APBA1: variants seen among roughly 807,000 people sequenced by gnomAD.
APBA1 encodes amyloid-beta A4 precursor protein-binding family A member 1.
Under a neutral mutation model 86.6 loss-of-function variants are expected in APBA1, and 55 were observed. The observed-to-expected ratio is 0.64, with a 90% CI of 0.51 to 0.80. The LOEUF is 0.80. Ranked by LOEUF, APBA1 falls within the 30% of genes least tolerant of loss-of-function variation. APBA1 has a pLI of 0.00. For synonymous variants in APBA1, 511 were observed against 493.9 expected (o/e 1.03, Z -0.46); for missense variants, 1,090 against 1,183.0 (o/e 0.92, Z 1.15).
intron 1 of APBA1, among the ~76,000 whole-genome samples, chr9:69,622,557 T>C (rs894742788): frequency 6.8e-6 from 1 of 146,606 alleles, no homozygotes; most frequent in Admixed American, 7.1e-5. Context: ...TCCAAGTGGC[T>C]TTTTAATAGA....
intron 1 of APBA1, among the ~76,000 whole-genome samples, chr9:69,558,442 C>G (rs575663158): frequency 4.0e-5 from 6 of 151,784 alleles, no homozygotes; most frequent in African/African-American, 1.4e-4. Flanking sequence ...GGTTCAATAA[C>G]TTCTTATTCT....
intron 1 of APBA1, among the ~76,000 whole-genome samples, chr9:69,631,954 G>A (rs1203626529): frequency 6.6e-6 from 1 of 152,064 alleles, no homozygotes; most frequent in Non-Finnish European, 1.5e-5. Context: ...TGTAAATGAT[G>A]AGTTAACGGG....
chr9:69,584,287 G>A (rs1364620554), intron 1 of APBA1, among the ~76,000 whole-genome samples: 1 of 152,142 alleles, frequency 6.6e-6, no homozygotes, highest in Non-Finnish European at 1.5e-5. Flanking sequence ...AGTTCCTAGA[G>A]GGTGGTAGTG....
At chr9:69,521,153 A>C (rs1249309339) in intron 1 of APBA1, among the ~76,000 whole-genome samples, 1 of 152,186 alleles carries the variant, frequency 6.6e-6, no homozygotes, top group Non-Finnish European at 1.5e-5. Flanking sequence ...TGATTGTCCC[A>C]GGTCACACAT....
intron 1 of APBA1, among the ~76,000 whole-genome samples, chr9:69,555,544 C>T (rs772527015): frequency 1.3e-5 from 2 of 152,070 alleles, no homozygotes; most frequent in Non-Finnish European, 2.9e-5. Flanking sequence ...GAAAAGGGTG[C>T]AGAGAACCAG....
chr9:69,534,866 T>C (rs943986836), intron 1 of APBA1, among the ~76,000 whole-genome samples: 1 of 152,188 alleles, frequency 6.6e-6, no homozygotes, highest in Admixed American at 6.5e-5. Context: ...GATGAGGATA[T>C]AGCTCACTTA....
chr9:69,463,630 AC>A (rs1835228275), intron 5 of APBA1: 1 of 152,174 alleles, frequency 6.6e-6, no homozygotes, highest in Admixed American at 6.5e-5. Flanking sequence ...GAGATAAAGC[AC>A]CACGAATAAC....
chr9:69,633,278 G>A (rs538064560), intron 1 of APBA1, among the ~76,000 whole-genome samples: 125 of 152,048 alleles, frequency 8.2e-4, no homozygotes, highest in Admixed American at 2.9e-3. Context: ...TTAAAGAGTC[G>A]CTTCATTAAA....
intron 1 of APBA1, among the ~76,000 whole-genome samples, chr9:69,577,491 T>C (rs1055120915): frequency 1.3e-5 from 2 of 152,120 alleles, no homozygotes; most frequent in Non-Finnish European, 2.9e-5. Context: ...AAGACCACCA[T>C]TGAATAGATG....
chr9:69,659,363 A>G, intron 1 of APBA1, among the ~76,000 whole-genome samples: 1 of 152,234 alleles, frequency 6.6e-6, no homozygotes, highest in Admixed American at 6.5e-5. Context: ...CACTGTACAG[A>G]TATCATAATA....
intron 2 of APBA1, among the ~76,000 whole-genome samples, chr9:69,482,116 CA>C (rs1192381111): frequency 2.6e-5 from 4 of 151,782 alleles, no homozygotes; most frequent in African/African-American, 9.7e-5. Flanking sequence ...CCAAAATGGA[CA>C]AATGGGATCT....
intron 1 of APBA1, among the ~76,000 whole-genome samples, chr9:69,629,461 C>T (rs1048615402): frequency 6.6e-6 from 1 of 152,120 alleles, no homozygotes; most frequent in African/African-American, 2.4e-5. Flanking sequence ...TAAAAACAGG[C>T]ATAATATCTA....
At chr9:69,435,003 TTC>T (rs1465394851) in intron 11 of APBA1, among the ~76,000 whole-genome samples, 1 of 140,264 alleles carries the variant, frequency 7.1e-6, no homozygotes, top group Non-Finnish European at 1.5e-5. Flanking sequence ...TGTCCATGTG[TTC>T]TCATTGTTCA....
rs546177646 is a variant in APBA1 at position 69,511,895 on chromosome 9, G to A, written c.1200+4116C>T. On this transcript the variant is annotated intron_variant, in intron 2 of 12. Coordinates refer to ENST00000265381, the MANE Select transcript of APBA1 (RefSeq NM_001163.4). ...CAATGAGATCACATGGACACAGGAA[G>A]GGGAATATCACACTCTGGGGACTGT... is the stretch of plus-strand genomic sequence containing the variant. 2.3e-3 allele frequency among the ~76,000 whole-genome samples: 353 copies of A among 151,488 alleles called. 1 individual carries two copies. The highest frequency in any genetic ancestry group is 8.0e-3 in the African/African-American group (330 of 41,224).
rs561452183 is a variant in APBA1 at position 69,467,106 on chromosome 9, G to A, written c.1482+717C>T. On this transcript the variant is annotated intron_variant, in intron 5 of 12. Coordinates refer to ENST00000265381, the MANE Select transcript of APBA1 (RefSeq NM_001163.4). ...CCTGGTTTGCCCATGATTCTAGGTA[G>A]TTTTGGTATCGTGGTGGAGATTCTA... 3.3e-5 allele frequency among the ~76,000 whole-genome samples: 5 copies of A among 152,336 alleles called. No homozygotes were observed. In the East Asian group the frequency reaches 9.7e-4, roughly 29 times the overall value.
At chr9:69,551,414 G>A (rs780644817) in intron 1 of APBA1, among the ~76,000 whole-genome samples, 18 of 152,058 alleles carry the variant, frequency 1.2e-4, no homozygotes, top group African/African-American at 2.9e-4. Context: ...TTAGCTGGGC[G>A]TGGTGGCACA....
At chr9:69,444,667 T>A (rs1027147542) in intron 10 of APBA1, among the ~76,000 whole-genome samples, 2 of 152,210 alleles carry the variant, frequency 1.3e-5, no homozygotes, top group African/African-American at 4.8e-5. Flanking sequence ...TTCCTAAAAT[T>A]TAAAGTGGGC....
At chr9:69,490,916 C>T (rs1835698303) in intron 2 of APBA1, among the ~76,000 whole-genome samples, 1 of 151,758 alleles carries the variant, frequency 6.6e-6, no homozygotes, top group African/African-American at 2.4e-5. Context: ...TACCATCTCA[C>T]ACCAGTTAGA....
chr9:69,615,761 C>A (rs933413288), intron 1 of APBA1, among the ~76,000 whole-genome samples: 2 of 152,200 alleles, frequency 1.3e-5, no homozygotes, highest in Non-Finnish European at 2.9e-5. Context: ...TAGAATCCTC[C>A]AATCTAACTC....
Sources: allele counts gnomAD v4.1 joint callset (sites outside exome capture counted in the v4.1 genomes callset), GRCh38; gene constraint gnomAD v4.1.1; transcripts MANE v1.5; gene names NCBI Gene and HGNC (gene_info 2026-07-23, HGNC 2026-07-21).